The following SND1 variants were observed in gnomAD, a reference collection of about 807,000 sequenced individuals.
SND1 encodes the protein staphylococcal nuclease domain-containing protein 1.
SND1 carries 38 observed loss-of-function variants against 121.7 expected under a neutral mutation model. The observed-to-expected ratio is 0.31, with a 90% confidence interval of 0.24 to 0.41. The LOEUF is 0.41. Among genes scored for constraint, SND1 ranks in the 10% least tolerant of loss-of-function variants. The pLI is 1.00. For missense variants in SND1, 868 were observed against 1,184.6 expected, an observed-to-expected ratio of 0.73 and a Z score of 3.92; for synonymous variants, 401 against 447.4, an observed-to-expected ratio of 0.90 and a Z score of 1.31.
chr7:127,986,339 A>G (rs935654137), intron 15 of SND1, among the ~76,000 whole-genome samples: 4 of 152,208 alleles, frequency 2.6e-5, no homozygotes, highest in Non-Finnish European at 1.5e-5. Flanking sequence ...ATTTTGTTGG[A>G]TATTTATACT....
intron 10 of SND1, among the ~76,000 whole-genome samples, chr7:127,781,650 A>G (rs1797725390): frequency 6.6e-6 from 1 of 152,162 alleles, no homozygotes; most frequent in African/African-American, 2.4e-5. Flanking sequence ...TTTGATTTAT[A>G]AGTCCTTCCT....
intron 10 of SND1, among the ~76,000 whole-genome samples, chr7:127,774,119 G>A (rs1203913068): frequency 6.6e-6 from 1 of 152,134 alleles, no homozygotes; most frequent in Non-Finnish European, 1.5e-5. Flanking sequence ...TCAGGCAGTA[G>A]GTATTTTAGA....
intron 16 of SND1, among the ~76,000 whole-genome samples, chr7:128,065,327 G>A (rs1793294791): frequency 6.6e-6 from 1 of 152,226 alleles, no homozygotes; most frequent in Non-Finnish European, 1.5e-5. Context: ...TGTGGTTCAG[G>A]TATAGGAGCC....
At chr7:128,039,926 G>A (rs1792820561) in intron 16 of SND1, among the ~76,000 whole-genome samples, 1 of 152,196 alleles carries the variant, frequency 6.6e-6, no homozygotes, top group South Asian at 2.1e-4. Flanking sequence ...TTTAAAGGCA[G>A]CTATAAATAT....
chr7:127,928,161 G>C (rs141416093), intron 14 of SND1: 5 of 152,326 alleles, frequency 3.3e-5, no homozygotes, highest in African/African-American at 1.2e-4. Context: ...AGAGCACACA[G>C]ACTTTGTGTT....
intron 11 of SND1, among the ~76,000 whole-genome samples, chr7:127,827,507 C>T (rs1345686380): frequency 2.0e-5 from 3 of 152,088 alleles, no homozygotes; most frequent in Non-Finnish European, 4.4e-5. Flanking sequence ...ATTAATAACT[C>T]TTGTATTGTC....
chr7:127,777,262 G>A (rs1042401055), intron 10 of SND1, among the ~76,000 whole-genome samples: 1 of 152,232 alleles, frequency 6.6e-6, no homozygotes, highest in African/African-American at 2.4e-5. Flanking sequence ...TCTTATGGCA[G>A]TAGGGACTGA....
chr7:127,843,365 A>T (rs1181154216), intron 11 of SND1, among the ~76,000 whole-genome samples: 1 of 152,134 alleles, frequency 6.6e-6, no homozygotes, highest in Non-Finnish European at 1.5e-5. Context: ...ATTACGCTAA[A>T]AATTCCCTAT....
chr7:127,904,390 G>T (rs1273996692), intron 13 of SND1: 1 of 163,666 alleles, frequency 6.1e-6, no homozygotes, highest in Non-Finnish European at 1.3e-5. Flanking sequence ...AACACGGAAA[G>T]AAATGTTATT....
chr7:127,844,475 G>A (rs2116648096), intron 12 of SND1, 51 bp downstream of exon 12: 6 of 1,381,914 alleles, frequency 4.3e-6, no homozygotes, highest in Non-Finnish European at 6.1e-6. Context: ...GTAGCTAAGA[G>A]TTCTTTGCTC....
intron 16 of SND1, among the ~76,000 whole-genome samples, chr7:128,073,241 T>C (rs927985161): frequency 6.6e-6 from 1 of 152,234 alleles, no homozygotes; most frequent in African/African-American, 2.4e-5. Context: ...AGAATCAACA[T>C]GGACTGGACC....
chr7:127,695,777 G>T (rs1231055669), intron 3 of SND1, among the ~76,000 whole-genome samples: 1 of 152,188 alleles, frequency 6.6e-6, no homozygotes, highest in South Asian at 2.1e-4. Flanking sequence ...GGTGAGCCAT[G>T]ATCATGCCAC....
At chr7:127,714,625 AT>A in intron 9 of SND1, among the ~76,000 whole-genome samples, 2 of 152,224 alleles carry the variant, frequency 1.3e-5, no homozygotes, top group African/African-American at 4.8e-5. Context: ...AACTATACTC[AT>A]TAAGCAATAA....
chr7:127,749,998 C>T (rs899228072), intron 10 of SND1, among the ~76,000 whole-genome samples: 1 of 152,124 alleles, frequency 6.6e-6, no homozygotes, highest in African/African-American at 2.4e-5. Flanking sequence ...TGTTTGGAAG[C>T]CTGAGGTGGG....
chr7:127,740,497 A>T (rs566405516), intron 10 of SND1, among the ~76,000 whole-genome samples: 12 of 152,202 alleles, frequency 7.9e-5, no homozygotes, highest in Non-Finnish European at 1.5e-4. Flanking sequence ...AGAACCGATT[A>T]TTGCCTGCTT....
intron 2 of SND1, among the ~76,000 whole-genome samples, chr7:127,693,921 A>G (rs1795964600): frequency 6.6e-6 from 1 of 152,130 alleles, no homozygotes; most frequent in Non-Finnish European, 1.5e-5. Context: ...GAACCATCCC[A>G]GGAGTGATAG....
intron 16 of SND1, among the ~76,000 whole-genome samples, chr7:127,996,436 A>G (rs1952836657): frequency 6.6e-6 from 1 of 152,122 alleles, no homozygotes; most frequent in Admixed American, 6.5e-5. Flanking sequence ...ACATCACCCC[A>G]CAAGCGCTGT....
chr7:128,058,749 G>A (rs1329774390), intron 16 of SND1, among the ~76,000 whole-genome samples: 1 of 152,086 alleles, frequency 6.6e-6, no homozygotes, highest in Non-Finnish European at 1.5e-5. Flanking sequence ...GCTTCCACAT[G>A]CATCATTTCT....
chr7:127,911,817 C>G (rs1222731009), intron 14 of SND1, among the ~76,000 whole-genome samples: 1 of 152,004 alleles, frequency 6.6e-6, no homozygotes, highest in East Asian at 1.9e-4. Flanking sequence ...TTCTTTTCAC[C>G]TCTTCTAAAG....
Sources: gnomAD v4.1 joint callset for allele counts (sites outside exome capture counted in the v4.1 genomes callset) on GRCh38, gnomAD v4.1.1 for gene constraint, MANE v1.5 for transcripts, NCBI Gene and HGNC (gene_info 2026-07-23, HGNC 2026-07-21) for gene names.